Variants in BCOR observed in about 807,000 individuals in gnomAD.
BCOR encodes BCL-6 corepressor.
BCOR carries 10 observed loss-of-function variants against 86.7 expected under a neutral mutation model. The observed-to-expected ratio is 0.12, with a 90% CI of 0.07 to 0.20. The LOEUF is 0.20. Ranked by LOEUF, BCOR falls within the 10% of genes least tolerant of loss-of-function variation. The pLI, the probability that BCOR is intolerant of heterozygous loss-of-function variation, is 1.00. For synonymous variants in BCOR, 611 were observed against 609.0 expected, an observed-to-expected ratio of 1.00 and a Z score of -0.05; for missense variants, 1,259 against 1,452.1, an observed-to-expected ratio of 0.87 and a Z score of 2.16.
chrX:40,161,089 C>A (rs184694194), intron 1 of BCOR, among the ~76,000 whole-genome samples: 128 of 108,291 alleles, frequency 1.2e-3, no homozygotes, highest in Middle Eastern at 4.7e-3. Flanking sequence ...GCAGCCTTGA[C>A]CTCTGGCTCT....
chrX:40,103,042 A>T (rs1222130085), intron 1 of BCOR, among the ~76,000 whole-genome samples: 1 of 104,913 alleles, frequency 9.5e-6, no homozygotes, highest in African/African-American at 3.5e-5. Flanking sequence ...TCCTCTCCAT[A>T]CCTGCGTTCC....
At chrX:40,091,569 G>C (rs899921772) in intron 1 of BCOR, among the ~76,000 whole-genome samples, 7 of 112,867 alleles carry the variant, frequency 6.2e-5, no homozygotes, top group African/African-American at 2.3e-4. Context: ...TCGCAGAAAG[G>C]CATCGTTAAT....
At chrX:40,094,876 G>C (rs1432358376) in intron 1 of BCOR, among the ~76,000 whole-genome samples, 1 of 113,288 alleles carries the variant, frequency 8.8e-6, no homozygotes, top group African/African-American at 3.2e-5. Context: ...GCCCTGCAAA[G>C]GGCTGGAGAG....
intron 1 of BCOR, among the ~76,000 whole-genome samples, chrX:40,082,103 G>T (rs766003702): frequency 4.5e-4 from 51 of 112,213 alleles, no homozygotes; most frequent in African/African-American, 1.7e-3. Context: ...CAGAAGGGGG[G>T]CGTCGAGGGA....
At chrX:40,176,716 C>A (rs1353141259) in intron 1 of BCOR, among the ~76,000 whole-genome samples, 1 of 111,530 alleles carries the variant, frequency 9.0e-6, no homozygotes, top group Non-Finnish European at 1.9e-5. Flanking sequence ...GCCGCTCGCT[C>A]CCAGCGCCCA....
At chrX:40,156,552 G>T (rs958173958) in intron 1 of BCOR, among the ~76,000 whole-genome samples, 1 of 113,042 alleles carries the variant, frequency 8.8e-6, no homozygotes, top group African/African-American at 3.2e-5. Flanking sequence ...CGCCTTTACT[G>T]ACCAGGTGGC....
chrX:40,173,037 T>A (rs1178198698), intron 1 of BCOR, among the ~76,000 whole-genome samples: 2 of 112,591 alleles, frequency 1.8e-5, no homozygotes, highest in African/African-American at 3.2e-5. Context: ...TCTCCAGAAC[T>A]TTCTTTTGCA....
chrX:40,160,825 G>T (rs1860913371), intron 1 of BCOR, among the ~76,000 whole-genome samples: 1 of 104,845 alleles, frequency 9.5e-6, no homozygotes, highest in African/African-American at 3.5e-5. Flanking sequence ...CGCCACGCCC[G>T]GCTAATTTTT....
chrX:40,105,315 G>A (rs1414190908), intron 1 of BCOR, among the ~76,000 whole-genome samples: 1 of 111,400 alleles, frequency 9.0e-6, no homozygotes, highest in Non-Finnish European at 1.9e-5. Context: ...AGCCAGGGGA[G>A]GGTGCTCCTC....
At chrX:40,072,189 C>T (rs1935506521) in intron 4 of BCOR, 160 bp downstream of exon 4, 1 of 530,454 alleles carries the variant, frequency 1.9e-6, no homozygotes, top group Non-Finnish European at 3.1e-6. Flanking sequence ...TGCTACCACT[C>T]ACGTTCTCTT....
intron 3 of BCOR, among the ~76,000 whole-genome samples, 181 bp from the exon 4 acceptor site, chrX:40,075,361 T>G (rs1935756268): frequency 9.0e-6 from 1 of 111,165 alleles, no homozygotes; most frequent in Admixed American, 9.5e-5. Context: ...TCCAAACCCC[T>G]TTGCTGCCTG....
intron 6 of BCOR, among the ~76,000 whole-genome samples, chrX:40,070,663 G>A (rs1935431728): frequency 9.0e-6 from 1 of 111,603 alleles, no homozygotes. Flanking sequence ...ACAGGGGTGG[G>A]GCAGGAGATG....
At chrX:40,096,950 C>T (rs922695713) in intron 1 of BCOR, among the ~76,000 whole-genome samples, 3 of 112,717 alleles carry the variant, frequency 2.7e-5, no homozygotes, top group African/African-American at 9.6e-5. Context: ...CCTCCTGGCC[C>T]ACCGGGAGGC....
At chrX:40,103,703 C>T (rs1360933867) in intron 1 of BCOR, among the ~76,000 whole-genome samples, 1 of 111,420 alleles carries the variant, frequency 9.0e-6, no homozygotes, top group Non-Finnish European at 1.9e-5. Flanking sequence ...ACTGACACTC[C>T]AGAGACCTCC....
upstream of BCOR, among the ~76,000 whole-genome samples, chrX:40,099,923 G>C (rs1937039663): frequency 8.9e-6 from 1 of 112,218 alleles, no homozygotes; most frequent in Admixed American, 9.4e-5. Context: ...TCCAGGACCA[G>C]CGCCTGCAGA....
chrX:40,072,976 G>A lies in BCOR; in HGVS notation c.2370C>T (p.Asn790=). The change falls in exon 4 of 15, where the codon AAC becomes AAT. Residue 790 remains asparagine, a synonymous_variant. Transcript: ENST00000378444. ...TGACAACAGTCTTCCCTTGATTCCA[G>A]TTGGGGTTCGGCTTTAGGTTCTTGT... ...PTDKNLKPNP[N]WNQGKTVVKS... is the part of the protein sequence containing the mutation. 1 of 1,212,031 alleles carries A rather than the reference G, an allele frequency of 8.3e-7. No homozygotes were observed. Among genetic ancestry groups the A allele is most frequent in the East Asian group, 3.0e-5 (1 of 33,864 alleles).
intron 1 of BCOR, among the ~76,000 whole-genome samples, chrX:40,147,322 A>G (rs1232296254): frequency 8.9e-6 from 1 of 112,584 alleles, no homozygotes; most frequent in Non-Finnish European, 1.9e-5. Flanking sequence ...CAAAACAAAA[A>G]AACCCTCCAG....
chrX:40,110,667 C>CTTTTTTTTTTTTTTTTTTTTTTTTTTTT lies in BCOR; in HGVS notation c.-40-32726_-40-32699dup, dbSNP rs546960508. ...TTCTTTTTTTTCTTTTTTCCTTTTT[C>CTTTTTTTTTTTTTTTTTTTTTTTTTTTT]TTTTTTTTTTTTTTTTTTTTTTTTT... On this transcript the variant is annotated intron_variant, in intron 1 of 14. Transcript: ENST00000342274. Among the ~76,000 whole-genome samples the CTTTTTTTTTTTTTTTTTTTTTTTTTTTT allele has an allele frequency of 4.7e-4, 14 of 29,551 alleles. 7 individuals are homozygous for CTTTTTTTTTTTTTTTTTTTTTTTTTTTT. Among genetic ancestry groups the CTTTTTTTTTTTTTTTTTTTTTTTTTTTT allele is most frequent in the Non-Finnish European group, 8.2e-4 (12 of 14,555 alleles). 25.7% of individuals were successfully genotyped at this position (29,551 alleles called of 115,157 possible).
intron 1 of BCOR, among the ~76,000 whole-genome samples, chrX:40,149,068 G>A (rs1938118363): frequency 1.8e-5 from 2 of 109,133 alleles, no homozygotes; most frequent in African/African-American, 3.3e-5. Flanking sequence ...GCCTGGAGCC[G>A]GCCCCCCACC....
Sources: allele counts gnomAD v4.1 joint callset (sites outside exome capture counted in the v4.1 genomes callset), GRCh38; gene constraint gnomAD v4.1.1; transcripts MANE v1.5; gene names NCBI Gene and HGNC (gene_info 2026-07-23, HGNC 2026-07-21).